Variants in EPHA6 observed in about 807,000 individuals in gnomAD.
The protein encoded by EPHA6 is ephrin type-A receptor 6.
In EPHA6, 50 loss-of-function variants were observed where a neutral mutation model predicts 112.0. The observed-to-expected ratio is 0.45, with a 90% CI of 0.36 to 0.56. The LOEUF (loss-of-function observed/expected upper bound fraction) is 0.56. Among genes scored for constraint, EPHA6 ranks in the 20% least tolerant of loss-of-function variants. The probability of loss-of-function intolerance (pLI) is 0.00; values close to 1 mark genes in which losing one functional copy is unlikely to be tolerated. For missense variants in EPHA6, 1,280 were observed against 1,417.4 expected, an observed-to-expected ratio of 0.90 and a Z score of 1.56; for synonymous variants, 529 against 490.7, an observed-to-expected ratio of 1.08 and a Z score of -1.03.
intron 5 of EPHA6, among the ~76,000 whole-genome samples, chr3:97,314,631 T>A (rs544440840): frequency 5.3e-5 from 8 of 151,816 alleles, no homozygotes; most frequent in African/African-American, 1.7e-4. Flanking sequence ...ACAGGTAACA[T>A]TTTTATAAGC....
chr3:97,136,274 T>C (rs1303501283), intron 3 of EPHA6, among the ~76,000 whole-genome samples: 2 of 152,180 alleles, frequency 1.3e-5, no homozygotes, highest in Non-Finnish European at 2.9e-5. Flanking sequence ...CCTTAGATAT[T>C]ATATAAAATA....
chr3:97,162,524 A>T (rs1443377146), intron 3 of EPHA6, among the ~76,000 whole-genome samples: 2 of 152,166 alleles, frequency 1.3e-5, no homozygotes, highest in Non-Finnish European at 2.9e-5. Context: ...GACCATAGCC[A>T]TGTGGTCTCC....
At chr3:96,826,396 G>T (rs539141827) in intron 1 of EPHA6, among the ~76,000 whole-genome samples, 2 of 152,048 alleles carry the variant, frequency 1.3e-5, no homozygotes, top group Non-Finnish European at 2.9e-5. Flanking sequence ...TTCCACTCTA[G>T]ATATGGCACT....
At chr3:97,628,630 C>T (rs2093877925) in intron 13 of EPHA6, among the ~76,000 whole-genome samples, 1 of 151,950 alleles carries the variant, frequency 6.6e-6, no homozygotes, top group Non-Finnish European at 1.5e-5. Context: ...AGCATTTCAA[C>T]AGCAATGTGA....
chr3:97,466,514 G>T, intron 7 of EPHA6: 1 of 978,446 alleles, frequency 1.0e-6, no homozygotes, highest in Non-Finnish European at 1.7e-6. Flanking sequence ...TAGTGTGAGG[G>T]TCGGGCCAAA....
In EPHA6 at chr3:97,438,029, G is replaced by A. The variant is rs978677950; in HGVS notation, c.1732-10539G>A. Among the ~76,000 whole-genome samples the A allele has an allele frequency of 2.6e-5, 4 of 152,124 alleles. No homozygotes were observed. The South Asian group carries it at 8.3e-4, about 31-fold the overall frequency. ...TTTAAGAATGAATGACAAATTTAAAGTTGTTGTTTGACTATAATATACTTT... is the reference window on the plus strand; with the variant it reads ...TTTAAGAATGAATGACAAATTTAAAATTGTTGTTTGACTATAATATACTTT... On this transcript the variant is annotated intron_variant, in intron 6 of 17. Transcript: ENST00000389672.
At chr3:97,652,423 T>C (rs1560233836) in intron 14 of EPHA6, among the ~76,000 whole-genome samples, 1 of 152,102 alleles carries the variant, frequency 6.6e-6, no homozygotes, top group Non-Finnish European at 1.5e-5. Flanking sequence ...GAAATTTGGA[T>C]GTTTTCAATG....
At chr3:96,895,355 ATTTTAAGTAATAT>A (rs575477319) in intron 2 of EPHA6, among the ~76,000 whole-genome samples, 106 of 152,288 alleles carry the variant, frequency 7.0e-4, no homozygotes, top group Admixed American at 2.5e-3. Context: ...CCATGTTTGT[ATTTTAAGTAATAT>A]TTTTATAAAA....
intron 2 of EPHA6, among the ~76,000 whole-genome samples, chr3:96,892,252 GCT>G (rs1355170964): frequency 3.3e-5 from 5 of 151,968 alleles, no homozygotes; most frequent in Non-Finnish European, 7.4e-5. Flanking sequence ...ACAGAGTCTT[GCT>G]CTGTCGCCCA....
At chr3:97,710,767 C>A (rs1001456703) in intron 14 of EPHA6, among the ~76,000 whole-genome samples, 1 of 152,212 alleles carries the variant, frequency 6.6e-6, no homozygotes, top group Non-Finnish European at 1.5e-5. Context: ...CTCTACATTG[C>A]ATGCTGCTTG....
At chr3:97,586,719 T>C (rs2093492241) in intron 11 of EPHA6, among the ~76,000 whole-genome samples, 1 of 136,522 alleles carries the variant, frequency 7.3e-6, no homozygotes, top group African/African-American at 2.9e-5. Context: ...GATGGATGGA[T>C]GGATGGATAG....
chr3:96,887,718 C>CGGG (rs1396939750), intron 2 of EPHA6, among the ~76,000 whole-genome samples: 1 of 151,982 alleles, frequency 6.6e-6, no homozygotes, highest in African/African-American at 2.4e-5. Flanking sequence ...CAGGTCAGGG[C>CGGG]GGGGCTAGGT....
At chr3:96,979,030 G>T (rs968537818) in intron 2 of EPHA6, among the ~76,000 whole-genome samples, 4 of 152,020 alleles carry the variant, frequency 2.6e-5, no homozygotes, top group Admixed American at 2.0e-4. Context: ...AAGTGATGAA[G>T]ATACTAAAAC....
chr3:96,981,310 T>C (rs113085758), intron 2 of EPHA6, among the ~76,000 whole-genome samples: 1 of 152,178 alleles, frequency 6.6e-6, no homozygotes. Flanking sequence ...GAGATAATCA[T>C]GTGGTTTTTG....
chr3:97,027,173 CA>C (rs2044669201), intron 3 of EPHA6, among the ~76,000 whole-genome samples: 1 of 152,102 alleles, frequency 6.6e-6, no homozygotes, highest in Non-Finnish European at 1.5e-5. Flanking sequence ...TTATCCTTAG[CA>C]AACTAACACA....
rs552291148 is a variant in EPHA6 at position 96,859,092 on chromosome 3, C to T, written c.386-7733C>T. On this transcript the variant is annotated intron_variant, in intron 1 of 17. Coordinates refer to ENST00000389672, the MANE Select transcript of EPHA6 (RefSeq NM_001080448.3). ...TAAGAATGTTCTTTTCTAAGACATA[C>T]ATTTCTTGCTCATGATCCCTTTTGA... is the stretch of plus-strand genomic sequence containing the variant. 8.7e-5 allele frequency among the ~76,000 whole-genome samples: 13 copies of T among 149,714 alleles called. No homozygotes were observed. The South Asian group carries it at 2.6e-3, about 29-fold the overall frequency.
chr3:97,403,777 T>G (rs2087149600), intron 5 of EPHA6, among the ~76,000 whole-genome samples: 1 of 152,208 alleles, frequency 6.6e-6, no homozygotes, highest in South Asian at 2.1e-4. Flanking sequence ...TTTATAATAT[T>G]TTTATATTAC....
intron 5 of EPHA6, among the ~76,000 whole-genome samples, chr3:97,321,887 A>C (rs2082138377): frequency 6.6e-6 from 1 of 152,098 alleles, no homozygotes; most frequent in South Asian, 2.1e-4. Context: ...TGTAAAATGA[A>C]AAGGCGGAGC....
chr3:97,215,417 A>C (rs7429091), intron 3 of EPHA6, among the ~76,000 whole-genome samples: 2,082 of 152,280 alleles, frequency 0.014, 42 homozygotes, highest in African/African-American at 0.045. Flanking sequence ...TGGATAATGA[A>C]ATTTCAAACA....
Sources: gnomAD v4.1 joint callset for allele counts (sites outside exome capture counted in the v4.1 genomes callset) on GRCh38, gnomAD v4.1.1 for gene constraint, MANE v1.5 for transcripts, NCBI Gene and HGNC (gene_info 2026-07-23, HGNC 2026-07-21) for gene names.